Variants in SLC8A1 observed in about 807,000 individuals in gnomAD.
The protein encoded by SLC8A1 is sodium/calcium exchanger 1.
SLC8A1 carries 18 observed loss-of-function variants against 68.3 expected under a neutral mutation model. The ratio of observed to expected loss-of-function variants is 0.26; its 90% confidence interval spans 0.18 to 0.39. The LOEUF is 0.39. SLC8A1 is among the 10% of genes least tolerant of loss of function. The pLI, the probability that SLC8A1 is intolerant of heterozygous loss-of-function variation, is 1.00. For synonymous variants in SLC8A1, 475 were observed against 415.5 expected (o/e 1.14, Z -1.74); for missense variants, 985 against 1,156.7 (o/e 0.85, Z 2.15).
chr2:40,494,992 T>TA (rs570733253), intron 1 of SLC8A1, among the ~76,000 whole-genome samples: 8 of 151,446 alleles, frequency 5.3e-5, no homozygotes, highest in Admixed American at 2.6e-4. Context: ...AAGATTGAAG[T>TA]AAAAAAAATC....
chr2:40,178,336 G>T, intron 2 of SLC8A1, 51 bp downstream of exon 3: 2 of 1,378,778 alleles, frequency 1.5e-6, no homozygotes, highest in Non-Finnish European at 2.1e-6. Context: ...ATCCAGGGGT[G>T]GCACAGGCCA....
chr2:40,207,452 C>A (rs963613383), intron 2 of SLC8A1, among the ~76,000 whole-genome samples: 6 of 151,834 alleles, frequency 4.0e-5, no homozygotes, highest in African/African-American at 1.5e-4. Flanking sequence ...ATGTTGGGTT[C>A]TATTTCTTGA....
chr2:40,507,092 G>A (rs1157738345), intron 1 of SLC8A1, among the ~76,000 whole-genome samples: 1 of 151,980 alleles, frequency 6.6e-6, no homozygotes, highest in African/African-American at 2.4e-5. Context: ...TAATTGTCGA[G>A]TGGATTTCTT....
At chr2:40,355,745 T>C (rs558059047) in intron 2 of SLC8A1, among the ~76,000 whole-genome samples, 1 of 152,300 alleles carries the variant, frequency 6.6e-6, no homozygotes, top group Admixed American at 6.5e-5. Flanking sequence ...ATCATTCGAA[T>C]GTCAGTATAA....
At chr2:40,340,772 T>G (rs1210448595) in intron 2 of SLC8A1, among the ~76,000 whole-genome samples, 3 of 152,006 alleles carry the variant, frequency 2.0e-5, no homozygotes, top group Non-Finnish European at 4.4e-5. Flanking sequence ...GGTGTGAGAG[T>G]AAGGAAAACG....
At chr2:40,510,713 C>G (rs796085501) in intron 1 of SLC8A1, among the ~76,000 whole-genome samples, 19 of 152,108 alleles carry the variant, frequency 1.2e-4, no homozygotes, top group African/African-American at 4.6e-4. Context: ...CTCTTTCTAA[C>G]TCTCTCACAA....
At chr2:40,354,336 A>T (rs6738673) in intron 2 of SLC8A1, among the ~76,000 whole-genome samples, 69,640 of 151,992 alleles carry the variant, frequency 0.46, 16,854 homozygotes, top group Admixed American at 0.58. Context: ...AAATTTCTGC[A>T]TTTGGCAGAA....
chr2:40,103,100 A>C (rs1401850355), exon 8 of SLC8A1: 2 of 152,196 alleles, frequency 1.3e-5, no homozygotes, highest in African/African-American at 4.8e-5. Context: ...TAAAGTTGGA[A>C]TATATTACTG....
intron 2 of SLC8A1, among the ~76,000 whole-genome samples, chr2:40,299,948 A>G (rs889751998): frequency 2.6e-5 from 4 of 152,184 alleles, no homozygotes; most frequent in Non-Finnish European, 4.4e-5. Context: ...CCATGCATGC[A>G]TAGATATCTC....
chr2:40,383,736 G>C (rs1366905157), intron 2 of SLC8A1, among the ~76,000 whole-genome samples: 1 of 151,972 alleles, frequency 6.6e-6, no homozygotes, highest in African/African-American at 2.4e-5. Context: ...CAATTTATTT[G>C]GCAAGACACT....
At chr2:40,174,295 T>G (rs957943100) in intron 4 of SLC8A1, among the ~76,000 whole-genome samples, 1 of 152,106 alleles carries the variant, frequency 6.6e-6, no homozygotes, top group Non-Finnish European at 1.5e-5. Flanking sequence ...TCAACATGTA[T>G]TTTTATGTAT....
At chr2:40,234,258 T>A (rs684869) in intron 2 of SLC8A1, among the ~76,000 whole-genome samples, 22,065 of 148,764 alleles carry the variant, frequency 0.15, 2,164 homozygotes, top group African/African-American at 0.27. Flanking sequence ...ATTTGTTTGT[T>A]TCCTCTTTTA....
intron 2 of SLC8A1, among the ~76,000 whole-genome samples, chr2:40,393,853 TA>T (rs1686055182): frequency 6.6e-6 from 1 of 152,110 alleles, no homozygotes. Flanking sequence ...ACCAAAATAT[TA>T]TAAAGTTCAG....
chr2:40,322,752 CAATTT>C (rs1559237600), intron 2 of SLC8A1, among the ~76,000 whole-genome samples: 1 of 151,322 alleles, frequency 6.6e-6, no homozygotes, highest in African/African-American at 2.4e-5. Flanking sequence ...TGAACACTAC[CAATTT>C]AATAAGAAAT....
chr2:40,412,974 C>T (rs1390932414), intron 2 of SLC8A1, among the ~76,000 whole-genome samples: 1 of 152,016 alleles, frequency 6.6e-6, no homozygotes. Context: ...CATATGTATA[C>T]ATGTGCCATG....
chr2:40,496,546 G>A (rs1705714519), intron 1 of SLC8A1, among the ~76,000 whole-genome samples: 1 of 151,984 alleles, frequency 6.6e-6, no homozygotes, highest in Admixed American at 6.6e-5. Context: ...GAGGATATTT[G>A]TGCATATTAG....
At chr2:40,103,509 G>C (rs2034021275) in exon 8 of SLC8A1, 1 of 151,996 alleles carries the variant, frequency 6.6e-6, no homozygotes, top group Non-Finnish European at 1.5e-5. Flanking sequence ...TTTCTGCCTG[G>C]TCATTGCACA....
chr2:40,477,167 A>G (rs1423883833), intron 1 of SLC8A1, among the ~76,000 whole-genome samples: 1 of 152,222 alleles, frequency 6.6e-6, no homozygotes, highest in Non-Finnish European at 1.5e-5. Flanking sequence ...AAGTCCATTA[A>G]ATAATAAATT....
intron 6 of SLC8A1, among the ~76,000 whole-genome samples, chr2:40,146,135 G>A (rs144800759): frequency 0.011 from 1,616 of 152,260 alleles, 36 homozygotes; most frequent in African/African-American, 0.037. Context: ...CAATAGGTTC[G>A]AATTCCTAGA....
Sources: gnomAD v4.1 joint callset for allele counts (sites outside exome capture counted in the v4.1 genomes callset) on GRCh38, gnomAD v4.1.1 for gene constraint, MANE v1.5 for transcripts, NCBI Gene and HGNC (gene_info 2026-07-23, HGNC 2026-07-21) for gene names.